Variants in NEGR1 observed in about 807,000 individuals in gnomAD.
NEGR1 encodes the protein neuronal growth regulator 1, also known as IgLON family member 4.
NEGR1 carries 10 observed loss-of-function variants against 40.9 expected under a neutral mutation model. The observed-to-expected ratio is 0.24, with a 90% confidence interval of 0.15 to 0.42. NEGR1 has a LOEUF of 0.42. Among genes scored for constraint, NEGR1 ranks in the 10% least tolerant of loss-of-function variants. NEGR1 has a pLI of 1.00. For missense variants in NEGR1, 352 were observed against 438.9 expected (o/e 0.80, Z 1.77); for synonymous variants, 185 against 166.8 (o/e 1.11, Z -0.84).
chr1:71,618,839 C>T (rs537216397), intron 4 of NEGR1, among the ~76,000 whole-genome samples: 1 of 152,208 alleles, frequency 6.6e-6, no homozygotes, highest in Admixed American at 6.5e-5. Context: ...TATGTGGTCA[C>T]AGCGTTCTAT....
At chr1:71,535,621 G>C (rs987253848) in intron 6 of NEGR1, among the ~76,000 whole-genome samples, 1 of 151,666 alleles carries the variant, frequency 6.6e-6, no homozygotes, top group Non-Finnish European at 1.5e-5. Context: ...ATTGAGAATA[G>C]AGAAGTTGGT....
intron 1 of NEGR1, among the ~76,000 whole-genome samples, chr1:71,999,677 A>C (rs1393480151): frequency 1.9e-5 from 1 of 52,978 alleles, no homozygotes; most frequent in East Asian, 1.7e-3. Context: ...ATATATATAT[A>C]TACATACATA....
intron 3 of NEGR1, 140 bp from the exon 4 acceptor site, chr1:71,698,279 C>G (rs2101629141): frequency 1.3e-6 from 1 of 740,866 alleles, no homozygotes; most frequent in Non-Finnish European, 2.2e-6. Flanking sequence ...ACCTTTTGTT[C>G]TTCTATGTTC....
chr1:71,402,742 G>A lies in NEGR1; in HGVS notation c.*4704C>T, dbSNP rs1646254621. On this transcript the variant is annotated 3_prime_UTR_variant, in exon 7 of 7. Coordinates refer to ENST00000357731, the MANE Select transcript of NEGR1 (RefSeq NM_173808.3). ...TCTTACTTACATTTCTGACTGTCAG[G>A]TTAAAGTGAATAATTATTTTCTGTA... 1 of 152,072 alleles carries A rather than the reference G, an allele frequency of 6.6e-6. No individual in the cohort carries two copies. Among genetic ancestry groups the A allele is most frequent in the South Asian group, 2.1e-4 (1 of 4,830 alleles). The allele number at this position is 152,072 out of a possible 1,614,324, so 9.4% of individuals were successfully genotyped here. A position where few individuals can be genotyped will look rare whatever the true frequency, so the allele number is the denominator to read the frequency against.
intron 5 of NEGR1, among the ~76,000 whole-genome samples, chr1:71,597,886 C>A (rs2101528231): frequency 1.3e-5 from 2 of 151,944 alleles, no homozygotes; most frequent in East Asian, 3.9e-4. Flanking sequence ...GCACTCCAGC[C>A]TGGACAACAG....
chr1:72,213,236 G>A (rs760606300), intron 1 of NEGR1, among the ~76,000 whole-genome samples: 4 of 151,864 alleles, frequency 2.6e-5, no homozygotes, highest in South Asian at 2.1e-4. Flanking sequence ...GGTGTAATCC[G>A]CAGATACGAA....
chr1:71,875,838 G>T (rs954544397), intron 2 of NEGR1, among the ~76,000 whole-genome samples: 1 of 152,056 alleles, frequency 6.6e-6, no homozygotes, highest in Non-Finnish European at 1.5e-5. Flanking sequence ...CTTGAGTATT[G>T]TCTCTTTGTC....
intron 2 of NEGR1, among the ~76,000 whole-genome samples, chr1:71,869,502 G>A (rs947094272): frequency 1.3e-5 from 2 of 152,098 alleles, no homozygotes; most frequent in African/African-American, 4.8e-5. Flanking sequence ...AGTCCATAAG[G>A]GAAATGCAAT....
intron 1 of NEGR1, among the ~76,000 whole-genome samples, chr1:72,275,699 T>G (rs11584542): frequency 0.23 from 35,064 of 151,994 alleles, 4,905 homozygotes; most frequent in Non-Finnish European, 0.31. Context: ...GTACCAATAG[T>G]AGGACTCAAT....
At chr1:71,663,576 C>T (rs1652142240) in intron 4 of NEGR1, among the ~76,000 whole-genome samples, 1 of 152,102 alleles carries the variant, frequency 6.6e-6, no homozygotes, top group Non-Finnish European at 1.5e-5. Flanking sequence ...ATTATTTTTG[C>T]ATTTCTTTTG....
At position 72,055,368 on chromosome 1, in the gene NEGR1, C is replaced by T. The variant is rs953969705; in HGVS notation, c.177-120057G>A. ...AATAAAATTACTCCCTTATATTGAA[C>T]AAAGAATCTTCTTTTAATTTAGTAT... On this transcript the variant is annotated intron_variant, in intron 1 of 6. Coordinates refer to ENST00000357731, the MANE Select transcript of NEGR1 (RefSeq NM_173808.3). 5.3e-5 allele frequency among the ~76,000 whole-genome samples: 8 copies of T among 151,242 alleles called. 1 individual carries two copies. In the South Asian group the frequency reaches 1.7e-3, roughly 31 times the overall value.
intron 1 of NEGR1, among the ~76,000 whole-genome samples, chr1:71,986,613 T>C (rs1646396834): frequency 6.6e-6 from 1 of 152,162 alleles, no homozygotes; most frequent in Non-Finnish European, 1.5e-5. Context: ...CCCCATGATG[T>C]TGGTTAATAG....
At chr1:71,418,180 C>G (rs930088295) in intron 6 of NEGR1, among the ~76,000 whole-genome samples, 1 of 150,528 alleles carries the variant, frequency 6.6e-6, no homozygotes, top group Non-Finnish European at 1.5e-5. Flanking sequence ...AGAAAAGAAG[C>G]AAGTAGTGTT....
intron 6 of NEGR1, among the ~76,000 whole-genome samples, chr1:71,584,458 G>A (rs1286275821): frequency 6.6e-6 from 1 of 152,164 alleles, no homozygotes; most frequent in African/African-American, 2.4e-5. Context: ...GAAATAGGAA[G>A]TTTAATCATA....
chr1:72,017,298 G>A (rs988037389), intron 1 of NEGR1, among the ~76,000 whole-genome samples: 1 of 151,956 alleles, frequency 6.6e-6, no homozygotes, highest in Non-Finnish European at 1.5e-5. Context: ...TTAAGAGTAG[G>A]CGCTAGATTC....
intron 2 of NEGR1, among the ~76,000 whole-genome samples, chr1:71,916,291 G>A (rs1017450690): frequency 6.6e-6 from 1 of 152,108 alleles, no homozygotes; most frequent in Non-Finnish European, 1.5e-5. Context: ...AAAGTATGAT[G>A]AGTCTTATCA....
intron 1 of NEGR1, among the ~76,000 whole-genome samples, chr1:71,968,456 G>T (rs960648414): frequency 1.6e-4 from 25 of 151,948 alleles, no homozygotes; most frequent in Non-Finnish European, 3.1e-4. Context: ...ATTGCATACT[G>T]GTTCTAGAAA....
At chr1:71,801,200 C>T (rs1657542753) in intron 2 of NEGR1, among the ~76,000 whole-genome samples, 1 of 152,148 alleles carries the variant, frequency 6.6e-6, no homozygotes, top group African/African-American at 2.4e-5. Context: ...CCTTTACTGG[C>T]CTCTCTTTGC....
intron 4 of NEGR1, among the ~76,000 whole-genome samples, chr1:71,673,408 T>C (rs1489855022): frequency 6.6e-6 from 1 of 151,990 alleles, no homozygotes; most frequent in African/African-American, 2.4e-5. Flanking sequence ...TAATTCCTTT[T>C]TCATGTCTGA....
Sources: gnomAD v4.1 joint callset for allele counts (sites outside exome capture counted in the v4.1 genomes callset) on GRCh38, gnomAD v4.1.1 for gene constraint, MANE v1.5 for transcripts, NCBI Gene and HGNC (gene_info 2026-07-23, HGNC 2026-07-21) for gene names.